Variants in GPHN observed in about 807,000 individuals in gnomAD.
GPHN encodes the protein gephyrin.
GPHN carries 17 observed loss-of-function variants against 95.5 expected under a neutral mutation model. That is an observed-to-expected ratio of 0.18 (90% CI 0.12 to 0.27). GPHN has a LOEUF of 0.27. Among genes scored for constraint, GPHN ranks in the 10% least tolerant of loss-of-function variants. GPHN has a pLI of 1.00. For missense variants in GPHN, 660 were observed against 978.1 expected (o/e 0.67, Z 4.34); for synonymous variants, 320 against 322.5 (o/e 0.99, Z 0.08).
At chr14:66,890,792 C>A in intron 5 of GPHN, among the ~76,000 whole-genome samples, 1 of 134,066 alleles carries the variant, frequency 7.5e-6, no homozygotes, top group African/African-American at 3.6e-5. Flanking sequence ...ACCACAGTAG[C>A]AGAATGGAGG....
At chr14:67,293,827 A>G in the GPHN span, among the ~76,000 whole-genome samples, 1 of 152,168 alleles carries the variant, frequency 6.6e-6, no homozygotes, top group African/African-American at 2.4e-5. Flanking sequence ...CCCTTTTAGG[A>G]GGAAGGTTTG....
intron 2 of GPHN, among the ~76,000 whole-genome samples, chr14:66,762,150 GA>G (rs2058782139): frequency 7.2e-6 from 1 of 139,732 alleles, no homozygotes; most frequent in African/African-American, 2.9e-5. Flanking sequence ...AAAAAAAAAA[GA>G]ATTACAATGG....
chr14:66,832,725 C>T (rs915132546), intron 4 of GPHN, among the ~76,000 whole-genome samples: 4 of 151,976 alleles, frequency 2.6e-5, no homozygotes, highest in Non-Finnish European at 5.9e-5. Flanking sequence ...TACATATACT[C>T]CTAAAATAGT....
the GPHN span, chr14:67,279,606 A>C: frequency 7.2e-7 from 1 of 1,398,358 alleles, no homozygotes. Context: ...AATGTATATG[A>C]GAAGGAAGAG....
At chr14:66,664,652 T>C (rs1376817519) in intron 1 of GPHN, among the ~76,000 whole-genome samples, 1 of 149,386 alleles carries the variant, frequency 6.7e-6, no homozygotes, top group Admixed American at 6.7e-5. Context: ...CTGAAGGAGG[T>C]AGAGACAAGA....
chr14:66,746,266 A>G (rs1450210278), intron 2 of GPHN, among the ~76,000 whole-genome samples: 1 of 152,170 alleles, frequency 6.6e-6, no homozygotes, highest in Non-Finnish European at 1.5e-5. Flanking sequence ...CTGTTTTCCA[A>G]CATCTGCATC....
the GPHN span, among the ~76,000 whole-genome samples, chr14:67,540,666 T>C: frequency 6.6e-6 from 1 of 151,954 alleles, no homozygotes; most frequent in Non-Finnish European, 1.5e-5. Flanking sequence ...AATTAACAAT[T>C]ATTCCTTAAA....
chr14:67,445,888 A>G, the GPHN span, among the ~76,000 whole-genome samples: 1 of 152,082 alleles, frequency 6.6e-6, no homozygotes, highest in Non-Finnish European at 1.5e-5. Flanking sequence ...TGCTCAGCCT[A>G]AGGGAGGCAA....
At chr14:66,615,807 A>G (rs1307994270) in intron 1 of GPHN, among the ~76,000 whole-genome samples, 2 of 151,332 alleles carry the variant, frequency 1.3e-5, no homozygotes, top group African/African-American at 4.9e-5. Flanking sequence ...TGTGTCCTGA[A>G]TGATATTGCC....
chr14:67,631,806 C>G, the GPHN span, among the ~76,000 whole-genome samples: 1 of 152,104 alleles, frequency 6.6e-6, no homozygotes, highest in African/African-American at 2.4e-5. Flanking sequence ...CTGCTTTATC[C>G]TGTCTTGGTT....
intron 1 of GPHN, among the ~76,000 whole-genome samples, chr14:66,594,855 G>T (rs868628330): frequency 6.6e-6 from 1 of 152,010 alleles, no homozygotes; most frequent in African/African-American, 2.4e-5. Flanking sequence ...GCACAGCAAA[G>T]GAAACAGAAT....
At chr14:66,840,573 G>A (rs2062033611) in intron 4 of GPHN, among the ~76,000 whole-genome samples, 1 of 151,956 alleles carries the variant, frequency 6.6e-6, no homozygotes, top group Non-Finnish European at 1.5e-5. Context: ...GGCAGCCACA[G>A]ATGATGTAAA....
intron 2 of GPHN, among the ~76,000 whole-genome samples, chr14:66,711,509 A>C (rs1359162527): frequency 1.3e-5 from 2 of 151,564 alleles, no homozygotes; most frequent in Admixed American, 6.6e-5. Context: ...ATGCGTGTCC[A>C]AGTGTCTTTT....
the GPHN span, among the ~76,000 whole-genome samples, chr14:67,224,207 T>C: frequency 2.0e-5 from 3 of 151,986 alleles, no homozygotes; most frequent in Non-Finnish European, 2.9e-5. Context: ...ATGCATGAAA[T>C]AGGGTCCAGG....
chr14:67,413,217 A>G, the GPHN span, among the ~76,000 whole-genome samples: 6 of 152,238 alleles, frequency 3.9e-5, no homozygotes, highest in Admixed American at 6.5e-5. Context: ...TCAGTCAAAT[A>G]GTACTGATTC....
At chr14:67,136,328 C>T (rs529761781) in intron 17 of GPHN, among the ~76,000 whole-genome samples, 9 of 152,276 alleles carry the variant, frequency 5.9e-5, no homozygotes, top group African/African-American at 2.2e-4. Context: ...TAGCAAAGCA[C>T]AAAATGGCAA....
intron 1 of GPHN, among the ~76,000 whole-genome samples, chr14:66,558,481 A>G (rs1031582004): frequency 2.0e-5 from 3 of 152,146 alleles, no homozygotes; most frequent in Admixed American, 6.6e-5. Flanking sequence ...TACTATCTGT[A>G]TCTTATATAA....
chr14:67,722,790 G>C, the GPHN span: 2 of 1,177,394 alleles, frequency 1.7e-6, no homozygotes, highest in African/African-American at 1.5e-5. Flanking sequence ...TGAAAGAAGA[G>C]AAAGGGAAGG....
intron 1 of GPHN, among the ~76,000 whole-genome samples, chr14:66,575,181 G>T (rs2060855184): frequency 6.6e-6 from 1 of 152,014 alleles, no homozygotes; most frequent in Non-Finnish European, 1.5e-5. Flanking sequence ...TATTCCTGAA[G>T]GACAGCTTGC....
Sources: gnomAD v4.1 joint callset for allele counts (sites outside exome capture counted in the v4.1 genomes callset) on GRCh38, gnomAD v4.1.1 for gene constraint, MANE v1.5 for transcripts, NCBI Gene and HGNC (gene_info 2026-07-23, HGNC 2026-07-21) for gene names.